The following TSTD2 variants were observed in gnomAD, a reference collection of about 807,000 sequenced individuals.
TSTD2 encodes thiosulfate sulfurtransferase/rhodanese-like domain-containing protein 2.
Under a neutral mutation model 47.9 loss-of-function variants are expected in TSTD2, and 37 were observed. The observed-to-expected ratio is 0.77, with a 90% CI of 0.59 to 1.02. The LOEUF (loss-of-function observed/expected upper bound fraction) is 1.02. Among genes scored for constraint, TSTD2 ranks in the 50% least tolerant of loss-of-function variants. The probability of loss-of-function intolerance (pLI) is 0.00; values close to 1 mark genes in which losing one functional copy is unlikely to be tolerated. For missense variants in TSTD2, 586 were observed against 616.0 expected (o/e 0.95, Z 0.52); for synonymous variants, 201 against 215.9 (o/e 0.93, Z 0.61).
At chr9:97,620,559 G>C (rs1826617969) in intron 3 of TSTD2, among the ~76,000 whole-genome samples, 1 of 152,204 alleles carries the variant, frequency 6.6e-6, no homozygotes, top group Non-Finnish European at 1.5e-5. Flanking sequence ...GAAGATGTGG[G>C]AAAGTTTGGA....
chr9:97,612,755 C>T (rs1826478960), intron 4 of TSTD2, among the ~76,000 whole-genome samples: 2 of 152,318 alleles, frequency 1.3e-5, no homozygotes, highest in South Asian at 4.1e-4. Context: ...GGGGTTTCGC[C>T]ATGTTGGCCA....
intron 1 of TSTD2, among the ~76,000 whole-genome samples, chr9:97,628,920 C>T (rs947444370): frequency 3.3e-5 from 5 of 152,162 alleles, no homozygotes; most frequent in Non-Finnish European, 4.4e-5. Context: ...CCTTCAGATT[C>T]CAGATTGGCC....
rs1289870920 is a variant in TSTD2, at chr9:97,601,445, T to C, written c.*1024A>G. On this transcript the variant is annotated 3_prime_UTR_variant, in exon 10 of 10. Coordinates refer to ENST00000341170, the MANE Select transcript of TSTD2 (RefSeq NM_139246.5). Reference sequence around the variant, plus strand: ...ATATGAAGCTCCCAGAGAGAACATTTAAAAGCTCAGAGAGTAAGTGCTGGG... The same window carrying C: ...ATATGAAGCTCCCAGAGAGAACATTCAAAAGCTCAGAGAGTAAGTGCTGGG... 1 of 1,019,910 alleles carries C rather than the reference T, an allele frequency of 9.8e-7. No individual in the cohort carries two copies. The highest frequency in any genetic ancestry group is 1.1e-4 in the East Asian group (1 of 9,402). 63.2% of individuals were successfully genotyped at this position (1,019,910 alleles called of 1,614,324 possible).
intron 1 of TSTD2, 22 bp downstream of exon 1, chr9:97,633,221 G>A (rs1826873563): frequency 6.1e-6 from 1 of 163,850 alleles, no homozygotes; most frequent in Admixed American, 6.4e-5. Context: ...AAGCCGGAAA[G>A]TGGGAGTAGA....
chr9:97,610,989 T>C (rs1049694352), intron 5 of TSTD2: 63 of 152,496 alleles, frequency 4.1e-4, no homozygotes, highest in African/African-American at 1.4e-3. Context: ...GAGTCCCAGA[T>C]TGCATGAGCT....
At chr9:97,623,599 C>T (rs1826673396) in intron 3 of TSTD2, among the ~76,000 whole-genome samples, 1 of 152,220 alleles carries the variant, frequency 6.6e-6, no homozygotes, top group South Asian at 2.1e-4. Context: ...GTGGCTCACA[C>T]CTGTAATCCC....
chr9:97,607,695 G>A (rs1244405706), intron 6 of TSTD2, among the ~76,000 whole-genome samples: 1 of 152,208 alleles, frequency 6.6e-6, no homozygotes, highest in Non-Finnish European at 1.5e-5. Flanking sequence ...CTGAGGTCAG[G>A]AGTTCAAGAC....
At chr9:97,632,306 T>C (rs1826836375) in intron 1 of TSTD2, among the ~76,000 whole-genome samples, 2 of 151,392 alleles carry the variant, frequency 1.3e-5, no homozygotes, top group South Asian at 4.2e-4. Flanking sequence ...ACAGAAAGAG[T>C]GGTTGGAGTA....
intron 4 of TSTD2, among the ~76,000 whole-genome samples, chr9:97,613,284 C>T (rs1207472111): frequency 1.3e-5 from 2 of 152,162 alleles, no homozygotes; most frequent in African/African-American, 2.4e-5. Flanking sequence ...GTTTGGAGGA[C>T]AGCCTACCAC....
rs1826710208 is a variant in TSTD2 at position 97,625,825 on chromosome 9, T to C, written c.338A>G (p.Lys113Arg). The C allele has an allele frequency of 3.1e-6, 5 of 1,614,068 alleles. No homozygotes were observed. The highest frequency in any genetic ancestry group is 2.7e-5 in the African/African-American group (2 of 74,938). Residue 113 changes from lysine (K) to arginine (R), a missense_variant, in exon 3 of 10, where the codon AAG (lysine) becomes AGG (arginine). By Grantham distance (26) the Lys-to-Arg change is conservative (BLOSUM62 2). Coordinates refer to ENST00000341170, the MANE Select transcript of TSTD2 (RefSeq NM_139246.5). ...GGTGCTCAATGTCACAGCCAGTTGC[T>C]TTAAAATAGAAGCTGTCTGGTGATA... The part of the protein sequence containing the change: ...EIYHQTASIL[K>R]QLAVTLSTSK...
rs1019709063 is a variant in TSTD2, at chr9:97,601,064, C to T, written c.*1405G>A. The T allele has an allele frequency of 6.9e-6, 9 of 1,304,028 alleles. No individual in the cohort carries two copies. The highest frequency in any genetic ancestry group is 1.5e-5 in the African/African-American group (1 of 65,846). 80.8% of individuals were successfully genotyped at this position (1,304,028 alleles called of 1,614,324 possible). Reference sequence around the variant, plus strand: ...CTGAACTGTAAGGCAGTGGGCAGTACAGGGTAACTGGAGGCGGGGCCAGGG... The same window carrying T: ...CTGAACTGTAAGGCAGTGGGCAGTATAGGGTAACTGGAGGCGGGGCCAGGG... On this transcript the variant is annotated 3_prime_UTR_variant, in exon 10 of 10. Coordinates refer to ENST00000341170, the MANE Select transcript of TSTD2 (RefSeq NM_139246.5).
At chr9:97,611,728 C>T (rs1261766284) in intron 4 of TSTD2, 29 bp from the exon 5 acceptor site, 1 of 1,587,076 alleles carries the variant, frequency 6.3e-7, no homozygotes. Context: ...AAAAAGAGAA[C>T]AGATTGTTCT....
chr9:97,610,258 G>T, intron 6 of TSTD2, 88 bp downstream of exon 6: 1 of 1,174,562 alleles, frequency 8.5e-7, no homozygotes, highest in South Asian at 1.5e-5. Context: ...ACTCATGACT[G>T]CTGCTGATCA....
intron 7 of TSTD2, 115 bp from the exon 8 acceptor site, chr9:97,605,756 A>G: frequency 1.5e-6 from 2 of 1,338,600 alleles, no homozygotes; most frequent in Non-Finnish European, 1.0e-6. Context: ...GCCAGTTGCT[A>G]ATCTCATCCC....
intron 1 of TSTD2, among the ~76,000 whole-genome samples, chr9:97,630,113 T>C (rs898372429): frequency 6.6e-6 from 1 of 152,180 alleles, no homozygotes; most frequent in African/African-American, 2.4e-5. Flanking sequence ...CTGAAAAACT[T>C]AGTTTCCCTA....
At chr9:97,622,153 G>T (rs981154606) in intron 3 of TSTD2, among the ~76,000 whole-genome samples, 5 of 152,206 alleles carry the variant, frequency 3.3e-5, no homozygotes, top group African/African-American at 1.2e-4. Context: ...GGAAAAAATG[G>T]TTTCATGGGC....
At chr9:97,608,061 T>G (rs964269320) in intron 6 of TSTD2, among the ~76,000 whole-genome samples, 1 of 151,948 alleles carries the variant, frequency 6.6e-6, no homozygotes, top group Non-Finnish European at 1.5e-5. Context: ...CGCATGCCTG[T>G]AGTCCCAGCT....
At chr9:97,612,039 A>C (rs1238627516) in intron 4 of TSTD2, among the ~76,000 whole-genome samples, 1 of 152,074 alleles carries the variant, frequency 6.6e-6, no homozygotes, top group African/African-American at 2.4e-5. Flanking sequence ...AAAAGGCCCC[A>C]GTGTCTGTTG....
chr9:97,606,093 G>A, intron 7 of TSTD2, 50 bp downstream of exon 7: 1 of 1,298,984 alleles, frequency 7.7e-7, no homozygotes, highest in Non-Finnish European at 1.1e-6. Flanking sequence ...CACACTGTGG[G>A]AATGGGGAGA....
Sources: allele counts gnomAD v4.1 joint callset (sites outside exome capture counted in the v4.1 genomes callset), GRCh38; gene constraint gnomAD v4.1.1; transcripts MANE v1.5; gene names NCBI Gene and HGNC (gene_info 2026-07-23, HGNC 2026-07-21).